The following SORCS2 variants were observed in gnomAD, a reference collection of about 807,000 sequenced individuals.
The protein encoded by SORCS2 is VPS10 domain-containing receptor SorCS2.
Under a neutral mutation model 141.6 loss-of-function variants are expected in SORCS2, and 100 were observed. That is an observed-to-expected ratio of 0.71 (90% confidence interval 0.60 to 0.83). SORCS2 has a LOEUF of 0.83. Among genes scored for constraint, SORCS2 ranks in the 40% least tolerant of loss-of-function variants. The probability of loss-of-function intolerance (pLI) is 0.00; values close to 1 mark genes in which losing one functional copy is unlikely to be tolerated. For synonymous variants in SORCS2, 789 were observed against 676.9 expected (o/e 1.17, Z -2.57); for missense variants, 1,646 against 1,560.2 (o/e 1.05, Z -0.93).
chr4:7,716,381 G>C (rs1297351057), intron 17 of SORCS2, among the ~76,000 whole-genome samples: 1 of 151,954 alleles, frequency 6.6e-6, no homozygotes, highest in Non-Finnish European at 1.5e-5. Flanking sequence ...CCATCATCCA[G>C]TTAGCCATCA....
At position 7,742,640 on chromosome 4, in the gene SORCS2, T is replaced by G. The variant is rs12498937; in HGVS notation, c.*2376T>G. 122,645 of 152,186 alleles carry G rather than the reference T, an allele frequency of 0.81. 50,454 individuals are homozygous for G. The highest frequency in any genetic ancestry group is 0.92 in the East Asian group (4,766 of 5,168). 9.4% of individuals were successfully genotyped at this position (152,186 alleles called of 1,614,324 possible). A position where few individuals can be genotyped will look rare whatever the true frequency, so the allele number is the denominator to read the frequency against. On this transcript the variant is annotated 3_prime_UTR_variant, in exon 27 of 27. Coordinates refer to ENST00000507866, the MANE Select transcript of SORCS2 (RefSeq NM_020777.3). ...ATGGAGATCCAGGCGTGGGCCCGTG[T>G]CTGTCCCTGGTTGTAAATTCGAGGG...
At chr4:7,210,253 G>A (rs1727984284) in intron 1 of SORCS2, among the ~76,000 whole-genome samples, 1 of 152,160 alleles carries the variant, frequency 6.6e-6, no homozygotes, top group Admixed American at 6.5e-5. Context: ...TGTGTGCTGA[G>A]GGCTGGGCTT....
chr4:7,647,013 C>A (rs145472022), intron 4 of SORCS2, among the ~76,000 whole-genome samples: 1 of 152,140 alleles, frequency 6.6e-6, no homozygotes, highest in Admixed American at 6.5e-5. Flanking sequence ...TCTGTCAGGC[C>A]GGGAGACCCG....
chr4:7,320,331 G>A (rs1046493977), intron 1 of SORCS2, among the ~76,000 whole-genome samples: 7 of 152,226 alleles, frequency 4.6e-5, no homozygotes, highest in Non-Finnish European at 1.0e-4. Flanking sequence ...AGGTGATTGT[G>A]TGCCTTCTAC....
At chr4:7,520,218 C>T (rs1374770307) in intron 2 of SORCS2, among the ~76,000 whole-genome samples, 5 of 152,316 alleles carry the variant, frequency 3.3e-5, no homozygotes, top group South Asian at 2.1e-4. Flanking sequence ...AGCCTGGCAT[C>T]GCGCCGATGC....
chr4:7,313,996 C>T (rs1206218894), intron 1 of SORCS2, among the ~76,000 whole-genome samples: 1 of 152,234 alleles, frequency 6.6e-6, no homozygotes, highest in East Asian at 1.9e-4. Flanking sequence ...CATTCGGGGA[C>T]ATGCCTGTGT....
chr4:7,600,742 TTC>T (rs2108791675), intron 3 of SORCS2, among the ~76,000 whole-genome samples: 1 of 151,712 alleles, frequency 6.6e-6, no homozygotes, highest in African/African-American at 2.4e-5. Context: ...AATCAAATCG[TTC>T]TGTCATTATA....
At chr4:7,349,306 A>C (rs1336748404) in intron 1 of SORCS2, among the ~76,000 whole-genome samples, 3 of 152,182 alleles carry the variant, frequency 2.0e-5, no homozygotes, top group Admixed American at 2.0e-4. Context: ...GGACGGCTGC[A>C]GGTCAGTCCT....
chr4:7,371,361 C>T (rs879642666), intron 1 of SORCS2, among the ~76,000 whole-genome samples: 6 of 152,172 alleles, frequency 3.9e-5, no homozygotes, highest in East Asian at 1.9e-4. Context: ...AGAACCTTGC[C>T]GCACTCCCCT....
intron 1 of SORCS2, among the ~76,000 whole-genome samples, chr4:7,255,901 C>T (rs62279423): frequency 0.014 from 73 of 5,398 alleles, no homozygotes; most frequent in African/African-American, 0.022. Context: ...GGACCCGGGG[C>T]TGGAGCGTGG....
intron 3 of SORCS2, among the ~76,000 whole-genome samples, chr4:7,630,657 G>A (rs548816604): frequency 9.2e-5 from 14 of 152,310 alleles, no homozygotes; most frequent in African/African-American, 2.2e-4. Context: ...CAGGGGAAGC[G>A]CCGGGTGGAA....
At chr4:7,683,467 G>T (rs1443699062) in intron 10 of SORCS2, among the ~76,000 whole-genome samples, 4 of 152,222 alleles carry the variant, frequency 2.6e-5, no homozygotes, top group African/African-American at 9.7e-5. Flanking sequence ...ACTGATTTAG[G>T]CTGGTCTCTG....
At chr4:7,693,850 A>T (rs1413078613) in intron 11 of SORCS2, among the ~76,000 whole-genome samples, 1 of 152,220 alleles carries the variant, frequency 6.6e-6, no homozygotes, top group Non-Finnish European at 1.5e-5. Context: ...TCTAGATGTG[A>T]GGGCGAGAAG....
In SORCS2 at chr4:7,496,921, C is replaced by T. The variant is rs530555996; in HGVS notation, c.549-34609C>T. 5.9e-5 allele frequency among the ~76,000 whole-genome samples: 9 copies of T among 152,328 alleles called. No individual in the cohort carries two copies. The South Asian group carries it at 1.9e-3, about 32-fold the overall frequency. ...GAGGCCAGGTGCCCTGTGTCAGCAA[C>T]CCAGTGCCCGTGCAGAGGTTTAGCC... On this transcript the variant is annotated intron_variant, in intron 2 of 26. Transcript: ENST00000507866.
chr4:7,203,873 T>C (rs1398405569), intron 1 of SORCS2, among the ~76,000 whole-genome samples: 2 of 152,208 alleles, frequency 1.3e-5, no homozygotes, highest in Non-Finnish European at 2.9e-5. Flanking sequence ...CTCTATGAAT[T>C]TGATGCTCTA....
At chr4:7,360,595 T>TTTTTTTTTTC (rs1435185563) in intron 1 of SORCS2, among the ~76,000 whole-genome samples, 1 of 133,734 alleles carries the variant, frequency 7.5e-6, no homozygotes, top group Non-Finnish European at 1.6e-5. Flanking sequence ...TTTTTTTTTT[T>TTTTTTTTTTC]TGAGACAGGG....
chr4:7,356,737 C>T (rs1432986448), intron 1 of SORCS2, among the ~76,000 whole-genome samples: 1 of 152,252 alleles, frequency 6.6e-6, no homozygotes, highest in African/African-American at 2.4e-5. Context: ...AAGTGCAGGC[C>T]TGGCTGTCCT....
intron 2 of SORCS2, among the ~76,000 whole-genome samples, chr4:7,455,099 G>A (rs1388201738): frequency 2.0e-5 from 2 of 97,740 alleles, no homozygotes; most frequent in African/African-American, 7.9e-5. Flanking sequence ...CAGGCACTGT[G>A]TTGGGGTCAG....
At chr4:7,653,358 C>T (rs1018107017) in intron 4 of SORCS2, among the ~76,000 whole-genome samples, 1 of 152,114 alleles carries the variant, frequency 6.6e-6, no homozygotes, top group Non-Finnish European at 1.5e-5. Flanking sequence ...ATTCTCCTGA[C>T]TCAGCCTCCC....
Sources: gnomAD v4.1 joint callset for allele counts (sites outside exome capture counted in the v4.1 genomes callset) on GRCh38, gnomAD v4.1.1 for gene constraint, MANE v1.5 for transcripts, NCBI Gene and HGNC (gene_info 2026-07-23, HGNC 2026-07-21) for gene names.